The following GABRB3 variants were observed in gnomAD, a reference collection of about 807,000 sequenced individuals.
GABRB3 encodes gamma-aminobutyric acid receptor subunit beta-3.
GABRB3 carries 14 observed loss-of-function variants against 52.1 expected under a neutral mutation model. That is an observed-to-expected ratio of 0.27 (90% CI 0.18 to 0.42). The LOEUF is 0.42. Ranked by LOEUF, GABRB3 falls within the 10% of genes least tolerant of loss-of-function variation. The pLI is 1.00. For synonymous variants in GABRB3, 260 were observed against 232.3 expected (o/e 1.12, Z -1.08); for missense variants, 307 against 609.1 (o/e 0.50, Z 5.22).
chr15:26,601,195 G>A lies in GABRB3; in HGVS notation c.462-17781C>T, dbSNP rs36088977. Among the ~76,000 whole-genome samples the A allele has an allele frequency of 5.8e-3, 880 of 152,154 alleles. 3 individuals carry two copies. The highest frequency in any genetic ancestry group is 0.024 in the Middle Eastern group (7 of 292). Reference sequence around the variant, plus strand: ...GCCCAGCACTTTGGGAGGCCGAGGCGGGCAGATCACCTGAGGTCGAGTTTG... The same window carrying A: ...GCCCAGCACTTTGGGAGGCCGAGGCAGGCAGATCACCTGAGGTCGAGTTTG... On this transcript the variant is annotated intron_variant, in intron 4 of 8. Coordinates refer to ENST00000311550, the MANE Select transcript of GABRB3 (RefSeq NM_000814.6).
In GABRB3 at chr15:26,605,955, C is replaced by A. The variant is rs568903160; in HGVS notation, c.461+15359G>T. 3.3e-5 allele frequency among the ~76,000 whole-genome samples: 5 copies of A among 152,142 alleles called. No individual in the cohort carries two copies. The South Asian group carries it at 1.0e-3, about 32-fold the overall frequency. ...CATACAACACAGCGGAAGTCGAATA[C>A]GAAGGAGGCACGTCTTACATGGTCA... On this transcript the variant is annotated intron_variant, in intron 4 of 8. Coordinates refer to ENST00000311550, the MANE Select transcript of GABRB3 (RefSeq NM_000814.6).
intron 3 of GABRB3, chr15:26,629,279 G>A (rs1213701884): frequency 1.5e-5 from 15 of 1,019,074 alleles, no homozygotes; most frequent in Non-Finnish European, 1.8e-5. Flanking sequence ...GTGGTCTGTG[G>A]CTCGAGGGGC....
At position 26,772,409 on chromosome 15, in the gene GABRB3, A is replaced by G; in HGVS notation, c.233T>C (p.Val78Ala). 6.2e-7 allele frequency: 1 copy of G among 1,609,424 alleles called. No individual in the cohort carries two copies. Among genetic ancestry groups the G allele is most frequent in the Non-Finnish European group, 8.5e-7 (1 of 1,177,884 alleles). ...GGGAGGGCGGGCACTCACCATGTTG[A>G]CTTCGGAAACCATGTCGATGCTGGC... ...DIASIDMVSEVNMDYTLTMYF... is the reference protein window; with the variant it reads ...DIASIDMVSEANMDYTLTMYF... The change falls in exon 3 of 9, where the codon GTC (valine) becomes GCC (alanine). Residue 78 changes from valine (V) to alanine (A), a missense_variant. This residue lies in a region of GABRB3 where 31 missense variants were observed against 71.2 expected (regional missense o/e 0.44). Transcript: ENST00000311550.
chr15:26,729,370 G>C (rs1191325614), intron 3 of GABRB3, among the ~76,000 whole-genome samples: 1 of 151,932 alleles, frequency 6.6e-6, no homozygotes, highest in Non-Finnish European at 1.5e-5. Flanking sequence ...CCCCTCCTTG[G>C]AGGCTCCTGA....
intron 3 of GABRB3, chr15:26,629,137 G>A (rs41301483): frequency 4.4e-5 from 67 of 1,520,850 alleles, no homozygotes; most frequent in African/African-American, 6.9e-5. Context: ...GCTGAAGCTC[G>A]GGGAGGCGCA....
Position 26,573,175 on chromosome 15 carries a change from A to G in GABRB3, c.683-5442T>C, listed in dbSNP as rs542321102. Among the ~76,000 whole-genome samples the G allele has an allele frequency of 2.9e-4, 44 of 152,284 alleles. 1 individual carries two copies. The South Asian group carries it at 8.3e-3, about 29-fold the overall frequency. ...TAAGCTGCCATGGTGAGGCACTCCCACTGCAGCCTGGGAAGCTTTGTGAGC... is the reference window on the plus strand; with the variant it reads ...TAAGCTGCCATGGTGAGGCACTCCCGCTGCAGCCTGGGAAGCTTTGTGAGC... On this transcript the variant is annotated intron_variant, in intron 6 of 8. Coordinates refer to ENST00000311550, the MANE Select transcript of GABRB3 (RefSeq NM_000814.6).
At chr15:26,663,874 CA>C (rs1457145563) in intron 3 of GABRB3, among the ~76,000 whole-genome samples, 4 of 152,048 alleles carry the variant, frequency 2.6e-5, no homozygotes, top group Non-Finnish European at 4.4e-5. Flanking sequence ...TAGTGTTTTC[CA>C]TTATATATTT....
intron 6 of GABRB3, among the ~76,000 whole-genome samples, chr15:26,578,031 C>CT (rs1890655049): frequency 6.6e-6 from 1 of 152,192 alleles, no homozygotes; most frequent in African/African-American, 2.4e-5. Flanking sequence ...AACTGACCCT[C>CT]TTGCCTTGAT....
At chr15:26,629,436 C>G (rs1183364502) in intron 3 of GABRB3, among the ~76,000 whole-genome samples, 3 of 152,212 alleles carry the variant, frequency 2.0e-5, no homozygotes, top group Admixed American at 6.5e-5. Flanking sequence ...GACAGGCTGT[C>G]TCCTGGCACT....
intron 4 of GABRB3, among the ~76,000 whole-genome samples, chr15:26,606,773 G>GATATATCTATCGATAGATATATCA (rs1891819352): frequency 3.8e-5 from 2 of 53,088 alleles, no homozygotes; most frequent in Admixed American, 3.1e-4. Context: ...TCTATCTATA[G>GATATATCTATCGATAGATATATCA]ATAGATAGAT....
At chr15:26,700,175 C>T (rs546710764) in intron 3 of GABRB3, among the ~76,000 whole-genome samples, 1 of 151,920 alleles carries the variant, frequency 6.6e-6, no homozygotes, top group African/African-American at 2.4e-5. Flanking sequence ...CATTTCAGGG[C>T]CTACAGATGT....
intron 3 of GABRB3, among the ~76,000 whole-genome samples, chr15:26,653,889 TC>T (rs1887278186): frequency 6.6e-6 from 1 of 152,218 alleles, no homozygotes; most frequent in Non-Finnish European, 1.5e-5. Context: ...TTAGATAAGT[TC>T]CTTTTTTCAA....
At chr15:26,706,021 C>T (rs940052335) in intron 3 of GABRB3, among the ~76,000 whole-genome samples, 1 of 152,130 alleles carries the variant, frequency 6.6e-6, no homozygotes, top group African/African-American at 2.4e-5. Flanking sequence ...TGTAACAAAC[C>T]TGCACATGTT....
At chr15:26,733,930 A>G (rs949935453) in intron 3 of GABRB3, among the ~76,000 whole-genome samples, 8 of 152,168 alleles carry the variant, frequency 5.3e-5, no homozygotes, top group Admixed American at 2.0e-4. Context: ...ATCCACATGC[A>G]AAAGAATGAA....
At chr15:26,556,541 T>G (rs1454395924) in intron 8 of GABRB3, among the ~76,000 whole-genome samples, 1 of 152,128 alleles carries the variant, frequency 6.6e-6, no homozygotes, top group Non-Finnish European at 1.5e-5. Context: ...GTAACCATAA[T>G]GCATGAATTA....
chr15:26,615,619 G>A, intron 4 of GABRB3: 1 of 589,696 alleles, frequency 1.7e-6, no homozygotes, highest in Non-Finnish European at 2.2e-6. Flanking sequence ...CCCAGAATAA[G>A]GCTGAGTTGA....
At chr15:26,667,484 T>G (rs1352971979) in intron 3 of GABRB3, among the ~76,000 whole-genome samples, 1 of 152,204 alleles carries the variant, frequency 6.6e-6, no homozygotes, top group African/African-American at 2.4e-5. Flanking sequence ...GCATGTGAAC[T>G]CCAAAGGCGG....
chr15:26,688,755 A>G (rs907057396), intron 3 of GABRB3, among the ~76,000 whole-genome samples: 2 of 152,338 alleles, frequency 1.3e-5, no homozygotes, highest in African/African-American at 4.8e-5. Flanking sequence ...CTGATGCTAC[A>G]TAAAGCTAGC....
chr15:26,615,441 A>G, intron 4 of GABRB3: 25 of 986,776 alleles, frequency 2.5e-5, no homozygotes, highest in Non-Finnish European at 3.0e-5. Context: ...AGAGCAAGCT[A>G]GTGTTACCCC....
Sources: gnomAD v4.1 joint callset for allele counts (sites outside exome capture counted in the v4.1 genomes callset) on GRCh38, gnomAD v4.1.1 for gene constraint, gnomAD v4.1.1 regional missense constraint, MANE v1.5 for transcripts, NCBI Gene and HGNC (gene_info 2026-07-23, HGNC 2026-07-21) for gene names.